Variants in CCNL2 observed in about 807,000 individuals in gnomAD.
CCNL2 encodes cyclin-L2.
Under a neutral mutation model 59.1 loss-of-function variants are expected in CCNL2, and 28 were observed. The observed-to-expected ratio is 0.47, with a 90% confidence interval of 0.35 to 0.65. The LOEUF is 0.65. Among genes scored for constraint, CCNL2 ranks in the 30% least tolerant of loss-of-function variants. CCNL2 has a pLI of 0.00. For missense variants in CCNL2, 714 were observed against 717.4 expected (o/e 1.00, Z 0.05); for synonymous variants, 342 against 288.6 (o/e 1.19, Z -1.88).
At position 1,387,122 on chromosome 1, in the gene CCNL2, G is replaced by T; in HGVS notation, c.*109C>A. The stretch of plus-strand genomic sequence containing the variant: ...AAAGAATCCTGTTCTAGGACCACTT[G>T]CGCTGAGAGCACACCCGGGGGTCAA... On this transcript the variant is annotated 3_prime_UTR_variant, in exon 11 of 11. Transcript: ENST00000400809. 1.2e-6 allele frequency: 1 copy of T among 805,614 alleles called. No homozygotes were observed. Among genetic ancestry groups the T allele is most frequent in the Non-Finnish European group, 2.0e-6 (1 of 503,402 alleles). 49.9% of individuals were successfully genotyped at this position (805,614 alleles called of 1,614,324 possible). A position where few individuals can be genotyped will look rare whatever the true frequency, so the allele number is the denominator to read the frequency against.
intron 3 of CCNL2, among the ~76,000 whole-genome samples, chr1:1,396,613 T>G (rs1401780968): frequency 1.6e-5 from 2 of 122,294 alleles, no homozygotes; most frequent in African/African-American, 6.1e-5. Flanking sequence ...AGAGTTTCAC[T>G]TTTGTTGCCC....
intron 8 of CCNL2, among the ~76,000 whole-genome samples, chr1:1,389,635 A>G (rs1459616647): frequency 6.6e-6 from 1 of 152,106 alleles, no homozygotes; most frequent in Non-Finnish European, 1.5e-5. Context: ...CCAACATAGC[A>G]AGACCCAGAC....
rs1414301202 is a variant in CCNL2, at chr1:1,399,301, C to T, written c.6G>A (p.Ala2=). 1.4e-6 allele frequency: 2 copies of T among 1,449,724 alleles called. No individual in the cohort carries two copies. Among genetic ancestry groups the T allele is most frequent in the Non-Finnish European group, 1.8e-6 (2 of 1,109,112 alleles). 89.8% of individuals were successfully genotyped at this position (1,449,724 alleles called of 1,614,324 possible). M[A]AAAAAAGAAG... is the part of the protein sequence containing the mutation. ...CAGCACCAGCCGCCGCCGCCGCCGC[C>T]GCCATTTTGTGCCGCCGACTCCCCT... Residue 2 remains alanine, a synonymous_variant, in exon 1 of 11, where the codon GCG becomes GCA. Coordinates refer to ENST00000400809, the MANE Select transcript of CCNL2 (RefSeq NM_030937.6).
Position 1,398,295 on chromosome 1 carries a change from G to A in CCNL2, c.411C>T (p.Ala137=). Residue 137 remains alanine (A), a synonymous_variant, in exon 3 of 11, where the codon GCC becomes GCT. Transcript: ENST00000400809. ...CVHLASKIEE[A]PRRIRDVINV... is the part of the protein sequence containing the mutation. ...TGATGACGTCCCGTATGCGTCTTGG[G>A]GCCTCTTCTATCTTGGAAGCCAGGT... is the stretch of plus-strand genomic sequence containing the variant. 3 of 1,614,186 alleles carry A rather than the reference G, an allele frequency of 1.9e-6. No individual in the cohort carries two copies. Among genetic ancestry groups the A allele is most frequent in the Non-Finnish European group, 1.7e-6 (2 of 1,180,034 alleles).
intron 5 of CCNL2, chr1:1,392,608 G>A (rs1169097151): frequency 5.5e-6 from 8 of 1,445,464 alleles, no homozygotes; most frequent in Admixed American, 2.9e-5. Flanking sequence ...AAGCACGACA[G>A]AGGATTAACA....
Position 1,399,286 on chromosome 1 carries a change from C to G in CCNL2, c.21G>C (p.Ala7=), listed in dbSNP as rs1300729907. The change falls in exon 1 of 11, where the codon GCG becomes GCC. Residue 7 remains alanine, a synonymous_variant. Transcript: ENST00000400809. The part of the protein sequence containing the change: MAAAAA[A]AGAAGSAAPA... ...GAGCTGCCGACCCTGCAGCACCAGC[C>G]GCCGCCGCCGCCGCCGCCATTTTGT... is the stretch of plus-strand genomic sequence containing the variant. 2 of 1,425,248 alleles carry G rather than the reference C, an allele frequency of 1.4e-6. No individual in the cohort carries two copies. Among genetic ancestry groups the G allele is most frequent in the East Asian group, 5.7e-5 (2 of 35,084 alleles). 88.3% of individuals were successfully genotyped at this position (1,425,248 alleles called of 1,614,324 possible).
At chr1:1,392,826 A>G in intron 5 of CCNL2, 1 of 1,611,050 alleles carries the variant, frequency 6.2e-7, no homozygotes, top group Non-Finnish European at 8.5e-7. Flanking sequence ...GAGTACAGAA[A>G]AGAAAAGTCA....
chr1:1,398,321 G>A lies in CCNL2; in HGVS notation c.385C>T (p.His129Tyr). 1.2e-6 allele frequency: 2 copies of A among 1,614,130 alleles called. No individual in the cohort carries two copies. The highest frequency in any genetic ancestry group is 1.7e-6 in the Non-Finnish European group (2 of 1,179,994). The change falls in exon 3 of 11, where the codon CAC (histidine) becomes TAC (tyrosine). Residue 129 changes from histidine (H) to tyrosine (Y), a missense_variant. By Grantham distance (83) the His-to-Tyr change is moderately conservative. Coordinates refer to ENST00000400809, the MANE Select transcript of CCNL2 (RefSeq NM_030937.6). Reference sequence around the variant, plus strand: ...GCCTCTTCTATCTTGGAAGCCAGGTGGACACAGGCCATTGACACATGCTGA... The same window carrying A: ...GCCTCTTCTATCTTGGAAGCCAGGTAGACACAGGCCATTGACACATGCTGA... The part of the protein sequence containing the change: ...SMEHVSMACV[H>Y]LASKIEEAPR...
rs571709892 is a variant in CCNL2 at position 1,387,292 on chromosome 1, T to C, written c.1502A>G (p.Tyr501Cys). 18 of 1,613,274 alleles carry C rather than the reference T, an allele frequency of 1.1e-5. No homozygotes were observed. The highest frequency in any genetic ancestry group is 1.5e-5 in the Non-Finnish European group (18 of 1,180,036). The stretch of plus-strand genomic sequence containing the variant: ...CTCATAGCGACGGCCTGTGCGTTCA[T>C]ACGACCTCGAGCGCTCTCGTCGCTG... ...RDQRRERSRS[Y>C]ERTGRRYERD... The change falls in exon 11 of 11, where the codon TAT becomes TGT. Residue 501 changes from tyrosine (Y) to cysteine (C), a missense_variant. By Grantham distance (194) the Tyr-to-Cys change is radical (BLOSUM62 -2). Transcript: ENST00000400809.
In CCNL2 at chr1:1,387,378, C is replaced by A. The variant is rs1455643729; in HGVS notation, c.1416G>T (p.Arg472Ser). ...RSRSSSRSRSRSRERADNPGK... is the reference protein window; with the variant it reads ...RSRSSSRSRSSSRERADNPGK... Reference sequence around the variant, plus strand: ...CCGGATTATCCGCCCGCTCCCGTGACCTGCTTCGAGAACGGGAAGAACTCC... The same window carrying A: ...CCGGATTATCCGCCCGCTCCCGTGAACTGCTTCGAGAACGGGAAGAACTCC... The change falls in exon 11 of 11, where the codon AGG becomes AGT. Residue 472 changes from arginine (R) to serine (S), a missense_variant. Arg to Ser is a moderately radical substitution (Grantham distance 110). Transcript: ENST00000400809. 1.2e-6 allele frequency: 2 copies of A among 1,614,092 alleles called. No homozygotes were observed. Among genetic ancestry groups the A allele is most frequent in the East Asian group, 2.2e-5 (1 of 44,898 alleles).
At chr1:1,392,511 C>T (rs1029702646) in intron 5 of CCNL2, 35 of 1,309,510 alleles carry the variant, frequency 2.7e-5, no homozygotes, top group Non-Finnish European at 2.7e-5. Context: ...GAGAAAGGTA[C>T]TGCATCTTTA....
At chr1:1,397,772 G>A (rs1372757971) in intron 3 of CCNL2, among the ~76,000 whole-genome samples, 2 of 152,164 alleles carry the variant, frequency 1.3e-5, no homozygotes, top group Non-Finnish European at 2.9e-5. Context: ...GGCTGAGGCA[G>A]GAGAAACTCT....
chr1:1,391,086 T>G, intron 5 of CCNL2: 2 of 1,130,376 alleles, frequency 1.8e-6, no homozygotes, highest in Non-Finnish European at 1.2e-6. Context: ...GCACAGAAAT[T>G]ATTAGAAAAA....
At chr1:1,395,614 C>T in intron 3 of CCNL2, 100 bp from the exon 4 acceptor site, 1 of 1,505,378 alleles carries the variant, frequency 6.6e-7, no homozygotes, top group South Asian at 1.2e-5. Context: ...ACACAAACCC[C>T]ACAACACAAC....
rs1261180182 is a variant in CCNL2 at position 1,399,313 on chromosome 1, C to T, written c.-7G>A. 6.9e-7 allele frequency: 1 copy of T among 1,441,008 alleles called. No individual in the cohort carries two copies. Among genetic ancestry groups the T allele is most frequent in the East Asian group, 2.8e-5 (1 of 36,030 alleles). 89.3% of individuals were successfully genotyped at this position (1,441,008 alleles called of 1,614,324 possible). On this transcript the variant is annotated 5_prime_UTR_variant, in exon 1 of 11. Transcript: ENST00000400809. ...CCGCCGCCGCCGCCGCCATTTTGTG[C>T]CGCCGACTCCCCTTCGGCTTCTTCC...
In CCNL2 at chr1:1,398,257, C is replaced by T. The variant is rs1334303310; in HGVS notation, c.449G>A (p.Arg150His). 2 of 1,614,210 alleles carry T rather than the reference C, an allele frequency of 1.2e-6. No individual in the cohort carries two copies. Among genetic ancestry groups the T allele is most frequent in the Admixed American group, 1.7e-5 (1 of 60,026 alleles). Residue 150 changes from arginine (R) to histidine (H), a missense_variant, in exon 3 of 11, where the codon CGC (arginine) becomes CAC (histidine). Arg to His is a conservative substitution (Grantham distance 29, BLOSUM62 0). This residue lies in a region of CCNL2 where 270 missense variants were observed against 254.9 expected (regional missense o/e 1.06). Transcript: ENST00000400809. ...CTTTTTGTCTCTCAGCTGTCGAAGG[C>T]GGTGAAACACATTGATGACGTCCCG... ...RIRDVINVFH[R>H]LRQLRDKKKP...
At chr1:1,396,982 C>T (rs374196289) in intron 3 of CCNL2, among the ~76,000 whole-genome samples, 8 of 151,416 alleles carry the variant, frequency 5.3e-5, no homozygotes, top group Non-Finnish European at 1.0e-4. Context: ...CTCCTGACCT[C>T]GTGATCCACC....
chr1:1,391,453 A>G (rs1569933541), intron 5 of CCNL2: 1 of 1,243,628 alleles, frequency 8.0e-7, no homozygotes, highest in Admixed American at 3.5e-5. Flanking sequence ...GAAGAGGGAA[A>G]AGCCCCTTGG....
rs1159058369 is a variant in CCNL2 at position 1,387,710 on chromosome 1, G to A, written c.1211+67C>T. ...GAAACAAGAAACCACCTCAGGGTGA[G>A]AATGATTACCCCGAGGGACAGCCCC... On this transcript the variant is annotated intron_variant, in intron 10 of 10. Coordinates refer to ENST00000400809, the MANE Select transcript of CCNL2 (RefSeq NM_030937.6). 6.8e-6 allele frequency: 10 copies of A among 1,470,330 alleles called. No homozygotes were observed. The South Asian group carries it at 8.4e-5, about 12-fold the overall frequency. 91.1% of individuals were successfully genotyped at this position (1,470,330 alleles called of 1,614,324 possible).
Sources: gnomAD v4.1 joint callset for allele counts (sites outside exome capture counted in the v4.1 genomes callset) on GRCh38, gnomAD v4.1.1 for gene constraint, gnomAD v4.1.1 regional missense constraint, MANE v1.5 for transcripts, NCBI Gene and HGNC (gene_info 2026-07-23, HGNC 2026-07-21) for gene names.